RRM2B: variants seen among roughly 807,000 people sequenced by gnomAD.
The protein encoded by RRM2B is ribonucleoside-diphosphate reductase subunit M2 B.
RRM2B carries 20 observed loss-of-function variants against 45.9 expected under a neutral mutation model. The ratio of observed to expected loss-of-function variants is 0.44; its 90% confidence interval spans 0.31 to 0.63. The LOEUF is 0.63. Ranked by LOEUF, RRM2B falls within the 30% of genes least tolerant of loss-of-function variation. The pLI is 0.09. For missense variants in RRM2B, 320 were observed against 414.7 expected, an observed-to-expected ratio of 0.77 and a Z score of 1.98; for synonymous variants, 124 against 132.3, an observed-to-expected ratio of 0.94 and a Z score of 0.43.
rs542016292 is a variant in RRM2B, at chr8:102,213,156, A to G, written c.790-267T>C. 3.9e-5 allele frequency among the ~76,000 whole-genome samples: 6 copies of G among 152,136 alleles called. No homozygotes were observed. The East Asian group carries it at 1.2e-3, about 29-fold the overall frequency. ...CTGGATTTCTTGAAGTAGCAGATAT[A>G]AGACTCGGATTCGTATGCTTTCTCA... On this transcript the variant is annotated intron_variant, in intron 7 of 8. Coordinates refer to ENST00000251810, the MANE Select transcript of RRM2B (RefSeq NM_015713.5).
chr8:102,220,947 A>G (rs1257428550), intron 5 of RRM2B, among the ~76,000 whole-genome samples: 1 of 152,192 alleles, frequency 6.6e-6, no homozygotes. Context: ...CTCATGATTC[A>G]TTTTAGAGAG....
rs889321989 is a variant in RRM2B, at chr8:102,206,611, T to C, written c.*1522A>G. 3 of 152,166 alleles carry C rather than the reference T, an allele frequency of 2.0e-5. No homozygotes were observed. Among genetic ancestry groups the C allele is most frequent in the South Asian group, 4.1e-4 (2 of 4,830 alleles). The allele number at this position is 152,166 out of a possible 1,614,324, so 9.4% of individuals were successfully genotyped here. ...CCAGAATTGTATAAAGTACAGTTTG[T>C]TGGGAATGGGAAACAACTGCTTGAA... On this transcript the variant is annotated 3_prime_UTR_variant, in exon 9 of 9. Coordinates refer to ENST00000251810, the MANE Select transcript of RRM2B (RefSeq NM_015713.5).
At chr8:102,225,088 G>T in intron 3 of RRM2B, 70 bp from the exon 4 acceptor site, 1 of 1,535,978 alleles carries the variant, frequency 6.5e-7, no homozygotes, top group Non-Finnish European at 9.0e-7. Context: ...ATCAGAATCT[G>T]GACATCAGCA....
At chr8:102,214,384 A>C (rs1368276527) in intron 6 of RRM2B, 2 of 519,328 alleles carry the variant, frequency 3.9e-6, no homozygotes, top group Non-Finnish European at 3.5e-6. Flanking sequence ...TTAGTTCATC[A>C]ACATTATAGA....
chr8:102,224,508 C>T (rs1438094761), intron 4 of RRM2B, among the ~76,000 whole-genome samples: 1 of 152,148 alleles, frequency 6.6e-6, no homozygotes, highest in Non-Finnish European at 1.5e-5. Context: ...TAAACTTAAT[C>T]AGAGATAATA....
At chr8:102,212,665 C>CATTTA in intron 8 of RRM2B, 111 bp downstream of exon 8, 1 of 662,918 alleles carries the variant, frequency 1.5e-6, no homozygotes, top group Non-Finnish European at 2.7e-6. Flanking sequence ...CTGTCATTGA[C>CATTTA]ATTTAAAAAA....
intron 6 of RRM2B, among the ~76,000 whole-genome samples, chr8:102,215,045 TAAAAAAA>T (rs3063793): frequency 2.3e-3 from 141 of 61,768 alleles, no homozygotes; most frequent in African/African-American, 4.2e-3. Context: ...AGCTAAATAT[TAAAAAAA>T]AAAAAAAAAA....
At chr8:102,219,148 CCT>C (rs1298024147) in intron 5 of RRM2B, 53 of 592,108 alleles carry the variant, frequency 9.0e-5, no homozygotes, top group East Asian at 4.4e-4. Flanking sequence ...TCCTTCAAAT[CCT>C]CTGTCAGACG....
intron 3 of RRM2B, among the ~76,000 whole-genome samples, chr8:102,225,226 T>C (rs1810909188): frequency 6.8e-6 from 1 of 146,742 alleles, no homozygotes; most frequent in Non-Finnish European, 1.5e-5. Flanking sequence ...GCATAGTATA[T>C]TCTTTTTTTT....
intron 1 of RRM2B, among the ~76,000 whole-genome samples, chr8:102,237,077 G>A (rs28999672): frequency 2.0e-5 from 3 of 152,260 alleles, no homozygotes; most frequent in East Asian, 1.9e-4. Flanking sequence ...AAAGTCTGAC[G>A]GAACCAATGG....
At chr8:102,233,368 T>C (rs1811067367) in intron 1 of RRM2B, among the ~76,000 whole-genome samples, 1 of 152,244 alleles carries the variant, frequency 6.6e-6, no homozygotes, top group South Asian at 2.1e-4. Flanking sequence ...GTCTTGATTT[T>C]AACTACTTGT....
At chr8:102,233,949 T>C (rs1419109457) in intron 1 of RRM2B, among the ~76,000 whole-genome samples, 5 of 152,300 alleles carry the variant, frequency 3.3e-5, no homozygotes, top group African/African-American at 7.2e-5. Flanking sequence ...GCCTCCCAAG[T>C]AGCTAGGACT....
intron 8 of RRM2B, among the ~76,000 whole-genome samples, chr8:102,211,824 A>G (rs1281206774): frequency 1.3e-5 from 2 of 152,230 alleles, no homozygotes; most frequent in Non-Finnish European, 2.9e-5. Context: ...ATCTTACCAA[A>G]AAAACCTACG....
chr8:102,238,465 C>T (rs1375702801), intron 1 of RRM2B: 6 of 1,164,584 alleles, frequency 5.2e-6, no homozygotes, highest in Non-Finnish European at 5.7e-6. Context: ...CGCCACAGTC[C>T]TCTTTCCTTG....
intron 2 of RRM2B, among the ~76,000 whole-genome samples, chr8:102,231,049 T>C (rs1811018016): frequency 6.6e-6 from 1 of 152,214 alleles, no homozygotes. Flanking sequence ...CAAATCTATC[T>C]ATCCAAATAG....
chr8:102,236,758 A>C (rs1057069706), intron 1 of RRM2B, among the ~76,000 whole-genome samples: 2 of 152,242 alleles, frequency 1.3e-5, no homozygotes, highest in African/African-American at 4.8e-5. Context: ...AGCAGTAGGC[A>C]TTCCTTAGTG....
chr8:102,217,654 A>T (rs1274015710), intron 6 of RRM2B, among the ~76,000 whole-genome samples: 1 of 152,196 alleles, frequency 6.6e-6, no homozygotes, highest in Non-Finnish European at 1.5e-5. Flanking sequence ...TGCACTAAGG[A>T]GCTTAAAGTC....
At chr8:102,229,818 C>T (rs775376921) in intron 2 of RRM2B, among the ~76,000 whole-genome samples, 7 of 152,176 alleles carry the variant, frequency 4.6e-5, no homozygotes, top group Non-Finnish European at 8.8e-5. Context: ...CTCCTGACCT[C>T]AAGTGATCTG....
chr8:102,232,766 A>C (rs1362885659), intron 1 of RRM2B, among the ~76,000 whole-genome samples: 2 of 152,226 alleles, frequency 1.3e-5, no homozygotes, highest in Non-Finnish European at 2.9e-5. Context: ...AGCTACTTTA[A>C]TGTTTTTTCT....
Sources: gnomAD v4.1 joint callset for allele counts (sites outside exome capture counted in the v4.1 genomes callset) on GRCh38, gnomAD v4.1.1 for gene constraint, MANE v1.5 for transcripts, NCBI Gene and HGNC (gene_info 2026-07-23, HGNC 2026-07-21) for gene names.